The following RNF212B variants were observed in gnomAD, a reference collection of about 807,000 sequenced individuals.
RNF212B encodes the protein ring finger protein 212B.
A neutral mutation model predicts 55.5 loss-of-function variants in RNF212B; 52 were observed. The observed-to-expected ratio is 0.94, with a 90% CI of 0.75 to 1.18. The LOEUF (loss-of-function observed/expected upper bound fraction) is 1.18. Among genes scored for constraint, RNF212B ranks in the 50% most tolerant of loss-of-function variants. RNF212B has a pLI of 0.00. For missense variants in RNF212B, 289 were observed against 350.4 expected (o/e 0.82, Z 1.40); for synonymous variants, 99 against 121.4 (o/e 0.82, Z 1.21).
upstream of RNF212B, among the ~76,000 whole-genome samples, chr14:23,237,428 C>T (rs1037761604): frequency 6.6e-6 from 1 of 152,164 alleles, no homozygotes; most frequent in Non-Finnish European, 1.5e-5. Flanking sequence ...CCGCCCCTGG[C>T]CAAAAATTTC....
intron 4 of RNF212B, among the ~76,000 whole-genome samples, chr14:23,250,719 C>A (rs1016899242): frequency 6.6e-6 from 1 of 152,080 alleles, no homozygotes; most frequent in Non-Finnish European, 1.5e-5. Flanking sequence ...AAGGTTCAGA[C>A]GACATGTGCC....
intron 1 of RNF212B, among the ~76,000 whole-genome samples, chr14:23,186,412 G>A (rs955998725): frequency 1.3e-5 from 2 of 150,962 alleles, no homozygotes; most frequent in African/African-American, 4.9e-5. Context: ...GTGCGATCTC[G>A]GCTCTCGGCT....
intron 4 of RNF212B, among the ~76,000 whole-genome samples, chr14:23,255,507 C>A (rs956404321): frequency 6.6e-6 from 1 of 152,132 alleles, no homozygotes; most frequent in African/African-American, 2.4e-5. Context: ...ATATTTAACA[C>A]TTGCATTATC....
chr14:23,269,074 G>A lies in RNF212B; in HGVS notation c.674+111G>A, dbSNP rs1885893731. On this transcript the variant is annotated intron_variant, in intron 12 of 14. Coordinates refer to ENST00000430154, the MANE Select transcript of RNF212B (RefSeq NM_001282322.3). The stretch of plus-strand genomic sequence containing the variant: ...AATCCCAGCACTTTGGGAGGCCGAG[G>A]AGGGTGGATCACTTGAGGTCAGGAG... 4 of 830,814 alleles carry A rather than the reference G, an allele frequency of 4.8e-6. No homozygotes were observed. In the South Asian group the frequency reaches 6.1e-5, roughly 13 times the overall value. The allele number at this position is 830,814 out of a possible 1,614,324, so 51.5% of individuals were successfully genotyped here.
intron 2 of RNF212B, among the ~76,000 whole-genome samples, chr14:23,200,048 C>G (rs1019162824): frequency 6.6e-6 from 1 of 152,008 alleles, no homozygotes; most frequent in African/African-American, 2.4e-5. Context: ...AGACTAGACT[C>G]TAACAACGAG....
chr14:23,212,987 T>C (rs931719331), intron 2 of RNF212B, among the ~76,000 whole-genome samples: 6 of 152,084 alleles, frequency 3.9e-5, no homozygotes, highest in African/African-American at 1.2e-4. Context: ...GGGATAAATC[T>C]GATAAAACAT....
At chr14:23,248,435 A>G (rs1594930313) in intron 4 of RNF212B, among the ~76,000 whole-genome samples, 1 of 138,696 alleles carries the variant, frequency 7.2e-6, no homozygotes, top group Non-Finnish European at 1.5e-5. Flanking sequence ...CCCAACCCCA[A>G]GCCTCTTTTT....
At chr14:23,206,609 A>G (rs981319110) in intron 2 of RNF212B, among the ~76,000 whole-genome samples, 2 of 152,170 alleles carry the variant, frequency 1.3e-5, no homozygotes, top group African/African-American at 4.8e-5. Context: ...TGTTTCACAA[A>G]CCTAGGCAGT....
chr14:23,262,749 G>A lies in RNF212B; in HGVS notation c.481+38G>A, dbSNP rs1453880526. On this transcript the variant is annotated intron_variant, in intron 8 of 14. Transcript: ENST00000430154. ...TTTCCCCTAAATATCTGTGTGAGAT[G>A]AATATCCTTTCCTTATGTAGAAGAT... 6 of 1,533,818 alleles carry A rather than the reference G, an allele frequency of 3.9e-6. No individual in the cohort carries two copies. In the East Asian group the frequency reaches 9.8e-5, roughly 25 times the overall value.
intron 2 of RNF212B, among the ~76,000 whole-genome samples, chr14:23,242,195 C>T (rs932260992): frequency 5.9e-5 from 6 of 101,602 alleles, no homozygotes; most frequent in Admixed American, 3.6e-4. Flanking sequence ...TTTCTCTGTA[C>T]CAATCTCATG....
chr14:23,223,676 G>A (rs557427858), intron 2 of RNF212B, among the ~76,000 whole-genome samples: 1 of 152,220 alleles, frequency 6.6e-6, no homozygotes, highest in Admixed American at 6.5e-5. Flanking sequence ...TTCAGATCTG[G>A]AATGTGATAA....
Position 23,263,413 on chromosome 14 carries a change from C to T in RNF212B, c.524+443C>T, listed in dbSNP as rs142926754. ...AAGATCCACAATCTAGAAATGGAACCACTGCTCTTTTGACAGGTGCCATCT... is the reference window on the plus strand; with the variant it reads ...AAGATCCACAATCTAGAAATGGAACTACTGCTCTTTTGACAGGTGCCATCT... On this transcript the variant is annotated intron_variant, in intron 9 of 14. Transcript: ENST00000430154. Among the ~76,000 whole-genome samples, 1,118 of 152,212 alleles carry T rather than the reference C, an allele frequency of 7.3e-3. 20 individuals carry two copies. Among genetic ancestry groups the T allele is most frequent in the African/African-American group, 0.025 (1,038 of 41,526 alleles).
intron 2 of RNF212B, among the ~76,000 whole-genome samples, chr14:23,218,531 T>C (rs1881295199): frequency 6.7e-6 from 1 of 149,452 alleles, no homozygotes; most frequent in Admixed American, 6.7e-5. Context: ...ATCATGTGAG[T>C]CTGGGAAGTT....
chr14:23,218,333 A>T (rs1009965612), intron 2 of RNF212B, among the ~76,000 whole-genome samples: 6 of 151,702 alleles, frequency 4.0e-5, no homozygotes, highest in Non-Finnish European at 8.8e-5. Context: ...GCACCTCTGC[A>T]CTATAGCCTG....
At position 23,268,447 on chromosome 14, in the gene RNF212B, C is replaced by T. The variant is rs961552353; in HGVS notation, c.635-477C>T. On this transcript the variant is annotated intron_variant, in intron 11 of 14. Coordinates refer to ENST00000430154, the MANE Select transcript of RNF212B (RefSeq NM_001282322.3). ...GCTATTTTTCTTGAATAAACATTCT[C>T]CAGATTACTACAAGCCCTTTGTTAA... Among the ~76,000 whole-genome samples the T allele has an allele frequency of 2.6e-5, 4 of 152,180 alleles. No individual in the cohort carries two copies. In the South Asian group the frequency reaches 8.3e-4, roughly 32 times the overall value.
chr14:23,232,179 A>T (rs1748809308), intron 2 of RNF212B, among the ~76,000 whole-genome samples: 1 of 149,220 alleles, frequency 6.7e-6, no homozygotes, highest in African/African-American at 2.5e-5. Context: ...CCCCGCCGCC[A>T]TCCCGTCTAA....
At chr14:23,214,737 G>A (rs917535101) in intron 2 of RNF212B, among the ~76,000 whole-genome samples, 1 of 151,774 alleles carries the variant, frequency 6.6e-6, no homozygotes, top group Non-Finnish European at 1.5e-5. Flanking sequence ...TCAGAAATCA[G>A]ATTTAACATT....
At chr14:23,213,702 G>GTCATT (rs1880790993) in intron 2 of RNF212B, among the ~76,000 whole-genome samples, 1 of 128,914 alleles carries the variant, frequency 7.8e-6, no homozygotes, top group African/African-American at 4.4e-5. Flanking sequence ...CCTAAACAGG[G>GTCATT]TGACTGCATG....
upstream of RNF212B, among the ~76,000 whole-genome samples, chr14:23,234,863 G>A (rs909672783): frequency 3.3e-5 from 5 of 152,004 alleles, no homozygotes; most frequent in African/African-American, 1.2e-4. Flanking sequence ...ATGGTTTGAG[G>A]TCAGGAATTT....
Sources: allele counts gnomAD v4.1 joint callset (sites outside exome capture counted in the v4.1 genomes callset), GRCh38; gene constraint gnomAD v4.1.1; transcripts MANE v1.5; gene names NCBI Gene and HGNC (gene_info 2026-07-23, HGNC 2026-07-21).